SLC9A7: variants seen among roughly 807,000 people sequenced by gnomAD.
The protein encoded by SLC9A7 is solute carrier family 9 member A7.
A neutral mutation model predicts 52.6 loss-of-function variants in SLC9A7; 19 were observed. The observed-to-expected ratio is 0.36, with a 90% CI of 0.25 to 0.53. The LOEUF is 0.53. Ranked by LOEUF, SLC9A7 falls within the 20% of genes least tolerant of loss-of-function variation. The probability of loss-of-function intolerance (pLI) is 0.91; values close to 1 mark genes in which losing one functional copy is unlikely to be tolerated. For missense variants in SLC9A7, 455 were observed against 597.9 expected (o/e 0.76, Z 2.49); for synonymous variants, 226 against 252.1 (o/e 0.90, Z 0.98).
At chrX:46,658,482 TAATA>T (rs1209644989) in intron 7 of SLC9A7, among the ~76,000 whole-genome samples, 1 of 110,096 alleles carries the variant, frequency 9.1e-6, no homozygotes, top group Non-Finnish European at 1.9e-5. Context: ...CTAGCAAGAC[TAATA>T]AAGAAAAAAA....
intron 3 of SLC9A7, among the ~76,000 whole-genome samples, chrX:46,676,484 G>A (rs752663931): frequency 8.9e-6 from 1 of 112,145 alleles, no homozygotes; most frequent in South Asian, 3.7e-4. Flanking sequence ...GGCAAAGCCT[G>A]TGAGGTGTTT....
At chrX:46,738,809 C>T (rs1921090757) in intron 1 of SLC9A7, among the ~76,000 whole-genome samples, 2 of 109,918 alleles carry the variant, frequency 1.8e-5, no homozygotes, top group Admixed American at 9.6e-5. Flanking sequence ...CACCAAATAG[C>T]ATTGATTCAG....
chrX:46,697,519 C>G (rs1003668845), intron 1 of SLC9A7, among the ~76,000 whole-genome samples: 1 of 111,941 alleles, frequency 8.9e-6, no homozygotes, highest in African/African-American at 3.3e-5. Context: ...ACTGCAATCT[C>G]TAAACATAAA....
intron 2 of SLC9A7, among the ~76,000 whole-genome samples, chrX:46,681,692 T>C (rs1944212266): frequency 8.9e-6 from 1 of 111,844 alleles, no homozygotes; most frequent in South Asian, 3.7e-4. Flanking sequence ...TATACATCAA[T>C]TAATACAGAT....
In SLC9A7 at chrX:46,669,630, G is replaced by A. The variant is rs779430165; in HGVS notation, c.770C>T (p.Ala257Val). 1 of 1,173,310 alleles carries A rather than the reference G, an allele frequency of 8.5e-7. No homozygotes were observed. Among genetic ancestry groups the A allele is most frequent in the African/African-American group, 1.8e-5 (1 of 55,674 alleles). The change falls in exon 5 of 17, where the codon GCA (alanine) becomes GTA (valine). Residue 257 changes from alanine to valine, a missense_variant. Ala to Val is a moderately conservative substitution (Grantham distance 64). Transcript: ENST00000616978. The part of the protein sequence containing the change: ...FYYTDCLFFG[A>V]IISATDPVTV... Reference sequence around the variant, plus strand: ...ACCTGGGTCAGTGGCAGAGATGATTGCTCCAAAAAAGAGACAATCTGTGTA... The same window carrying A: ...ACCTGGGTCAGTGGCAGAGATGATTACTCCAAAAAAGAGACAATCTGTGTA...
At chrX:46,678,015 A>C (rs2146859032) in intron 3 of SLC9A7, among the ~76,000 whole-genome samples, 1 of 112,055 alleles carries the variant, frequency 8.9e-6, no homozygotes, top group East Asian at 2.8e-4. Flanking sequence ...AGATCTCATC[A>C]TGATGTTGTC....
chrX:46,637,250 GA>G (rs1943335884), intron 12 of SLC9A7, among the ~76,000 whole-genome samples: 1 of 111,886 alleles, frequency 8.9e-6, no homozygotes, highest in Admixed American at 9.5e-5. Context: ...CACAAAGGTA[GA>G]AATGGTAGAG....
Position 46,750,912 on chromosome X carries a change from T to C in SLC9A7, c.325+7793A>G, listed in dbSNP as rs782419405. ...TAAACTGTGGTACACACAAATCACA[T>C]GCAAATCCTATTACTTCTCTTTTCT... On this transcript the variant is annotated intron_variant, in intron 1 of 16. Transcript: ENST00000616978. Among the ~76,000 whole-genome samples, 3 of 112,377 alleles carry C rather than the reference T, an allele frequency of 2.7e-5. No individual in the cohort carries two copies. In the East Asian group the frequency reaches 8.3e-4, roughly 31 times the overall value.
At chrX:46,716,704 A>C (rs181258686) in intron 1 of SLC9A7, among the ~76,000 whole-genome samples, 1 of 112,576 alleles carries the variant, frequency 8.9e-6, no homozygotes, top group Admixed American at 9.4e-5. Context: ...ATACCCAAAC[A>C]AGAAGGGACG....
chrX:46,685,677 C>T (rs181760915), intron 1 of SLC9A7: 14 of 111,186 alleles, frequency 1.3e-4, no homozygotes, highest in African/African-American at 4.2e-4. Flanking sequence ...GGGGGGCTCT[C>T]TCTCCACTCT....
chrX:46,711,599 T>G (rs942704411), intron 1 of SLC9A7, among the ~76,000 whole-genome samples: 1 of 111,900 alleles, frequency 8.9e-6, no homozygotes, highest in South Asian at 3.8e-4. Flanking sequence ...AATATTCTTT[T>G]GCTCATTTTA....
chrX:46,696,035 G>C lies in SLC9A7; in HGVS notation c.326-13500C>G, dbSNP rs760358595. On this transcript the variant is annotated intron_variant, in intron 1 of 16. Coordinates refer to ENST00000616978, the MANE Select transcript of SLC9A7 (RefSeq NM_001257291.2). ...GAGTCTCACTCTCTTGCCCAAGCTG[G>C]AGTACAGTGGCGCAATCTCGGCTCA... is the stretch of plus-strand genomic sequence containing the variant. Among the ~76,000 whole-genome samples, 44 of 109,965 alleles carry C rather than the reference G, an allele frequency of 4.0e-4. 1 individual carries two copies. In the Middle Eastern group the frequency reaches 0.014, roughly 35 times the overall value.
chrX:46,687,841 G>T (rs1944319675), intron 1 of SLC9A7, among the ~76,000 whole-genome samples: 2 of 111,825 alleles, frequency 1.8e-5, no homozygotes, highest in African/African-American at 6.5e-5. Context: ...GTCACTTCCT[G>T]CTTCCTACTC....
At chrX:46,635,540 G>A in intron 13 of SLC9A7, 49 bp downstream of exon 13, 1 of 999,159 alleles carries the variant, frequency 1.0e-6, no homozygotes, top group East Asian at 3.0e-5. Context: ...TTAGAAAGAG[G>A]AGAAAAGCCA....
chrX:46,738,032 AAAGAAAG>A (rs1569525223), intron 1 of SLC9A7, among the ~76,000 whole-genome samples: 1 of 3,633 alleles, frequency 2.8e-4, no homozygotes, highest in Non-Finnish European at 5.8e-4. Flanking sequence ...GTCTCAAAAA[AAAGAAAG>A]AAAGAAAGAA....
At chrX:46,723,857 G>T (rs1453868383) in intron 1 of SLC9A7, among the ~76,000 whole-genome samples, 2 of 112,155 alleles carry the variant, frequency 1.8e-5, no homozygotes, top group Non-Finnish European at 3.8e-5. Context: ...GGAGGCTGAG[G>T]CAGGTGGATC....
chrX:46,714,735 G>C (rs1276475445), intron 1 of SLC9A7, among the ~76,000 whole-genome samples: 1 of 111,877 alleles, frequency 8.9e-6, no homozygotes, highest in East Asian at 2.8e-4. Flanking sequence ...TTTCTAATAA[G>C]GGAAGAAACA....
chrX:46,720,554 T>C (rs1944843864), intron 1 of SLC9A7, among the ~76,000 whole-genome samples: 1 of 110,255 alleles, frequency 9.1e-6, no homozygotes, highest in Admixed American at 9.7e-5. Context: ...CTTAAAATTA[T>C]TCAGCAGCTT....
chrX:46,628,125 G>A (rs1411771088), intron 14 of SLC9A7, among the ~76,000 whole-genome samples: 1 of 112,159 alleles, frequency 8.9e-6, no homozygotes, highest in Non-Finnish European at 1.9e-5. Context: ...GTGAAACTGG[G>A]ATAAATTCAG....
Sources: gnomAD v4.1 joint callset for allele counts (sites outside exome capture counted in the v4.1 genomes callset) on GRCh38, gnomAD v4.1.1 for gene constraint, MANE v1.5 for transcripts, NCBI Gene and HGNC (gene_info 2026-07-23, HGNC 2026-07-21) for gene names.